GRAMD2B: variants seen among roughly 807,000 people sequenced by gnomAD.
GRAMD2B encodes GRAM domain-containing protein 2B.
In GRAMD2B, 41 loss-of-function variants were observed where a neutral mutation model predicts 59.2. The ratio of observed to expected loss-of-function variants is 0.69; its 90% CI spans 0.54 to 0.90. The LOEUF (loss-of-function observed/expected upper bound fraction) is 0.90. Ranked by LOEUF, GRAMD2B falls within the 40% of genes least tolerant of loss-of-function variation. The pLI, the probability that GRAMD2B is intolerant of heterozygous loss-of-function variation, is 0.00. For missense variants in GRAMD2B, 424 were observed against 500.5 expected (o/e 0.85, Z 1.46); for synonymous variants, 161 against 182.7 (o/e 0.88, Z 0.96).
At chr5:126,377,666 G>A (rs1010218595) in intron 1 of GRAMD2B, among the ~76,000 whole-genome samples, 2 of 152,174 alleles carry the variant, frequency 1.3e-5, no homozygotes, top group African/African-American at 4.8e-5. Context: ...CTGTGTGCAC[G>A]TAAGTTATCA....
chr5:126,394,858 T>G (rs1200336248), intron 1 of GRAMD2B, among the ~76,000 whole-genome samples: 2 of 152,138 alleles, frequency 1.3e-5, no homozygotes, highest in South Asian at 2.1e-4. Context: ...CATAAATATG[T>G]TTTTTTTCTG....
At chr5:126,373,467 A>G (rs1219450221) in intron 1 of GRAMD2B, among the ~76,000 whole-genome samples, 1 of 152,226 alleles carries the variant, frequency 6.6e-6, no homozygotes, top group Non-Finnish European at 1.5e-5. Context: ...TACAATTTAC[A>G]CAGTGTTTGT....
intron 9 of GRAMD2B, among the ~76,000 whole-genome samples, 191 bp from the exon 10 acceptor site, chr5:126,484,211 T>TC (rs1382810513): frequency 4.6e-5 from 7 of 152,214 alleles, no homozygotes; most frequent in African/African-American, 7.2e-5. Flanking sequence ...TGAAAGACTA[T>TC]CCTTATATCA....
chr5:126,476,970 G>A (rs529373584), intron 5 of GRAMD2B, among the ~76,000 whole-genome samples: 1 of 152,292 alleles, frequency 6.6e-6, no homozygotes, highest in South Asian at 2.1e-4. Context: ...AGCTTACAAG[G>A]GGGAGTAGGT....
chr5:126,453,388 A>G (rs1021016977), intron 1 of GRAMD2B, among the ~76,000 whole-genome samples: 6 of 152,084 alleles, frequency 3.9e-5, no homozygotes, highest in Non-Finnish European at 8.8e-5. Flanking sequence ...CAGAAATTCA[A>G]AAAAATGCTT....
rs534739151 is a variant in GRAMD2B at position 126,457,420 on chromosome 5, G to A, written c.84-8006G>A. Reference sequence around the variant, plus strand: ...AGGCCCAGGCAGGTAGATCACCTGAGCTCAGGAGTTCAAGACCAGCCTGGC... The same window carrying A: ...AGGCCCAGGCAGGTAGATCACCTGAACTCAGGAGTTCAAGACCAGCCTGGC... On this transcript the variant is annotated intron_variant, in intron 1 of 13. Coordinates refer to ENST00000285689, the MANE Select transcript of GRAMD2B (RefSeq NM_023927.4). 1.8e-4 allele frequency among the ~76,000 whole-genome samples: 27 copies of A among 152,080 alleles called. No homozygotes were observed. In the South Asian group the frequency reaches 5.6e-3, roughly 32 times the overall value.
At chr5:126,431,988 C>T (rs1207258072) in intron 1 of GRAMD2B, among the ~76,000 whole-genome samples, 12 of 152,144 alleles carry the variant, frequency 7.9e-5, no homozygotes, top group Admixed American at 6.6e-4. Context: ...AGTGCAGTGG[C>T]GTGATCACAG....
chr5:126,433,187 C>T (rs970111390), intron 1 of GRAMD2B, among the ~76,000 whole-genome samples: 1 of 152,196 alleles, frequency 6.6e-6, no homozygotes, highest in African/African-American at 2.4e-5. Flanking sequence ...CATTGCTATT[C>T]ATTAGACACT....
At chr5:126,425,707 A>G (rs1427872567) in intron 1 of GRAMD2B, among the ~76,000 whole-genome samples, 3 of 152,340 alleles carry the variant, frequency 2.0e-5, no homozygotes, top group South Asian at 2.1e-4. Context: ...TTGAGGCTAC[A>G]GTGAGCCATG....
intron 1 of GRAMD2B, among the ~76,000 whole-genome samples, chr5:126,448,873 T>C (rs954689539): frequency 6.6e-6 from 1 of 152,248 alleles, no homozygotes; most frequent in African/African-American, 2.4e-5. Flanking sequence ...ATAACACCTG[T>C]CTTACATGCC....
rs1488834775 is a variant in GRAMD2B at position 126,477,744 on chromosome 5, T to G, written c.539T>G (p.Leu180Arg). 56 of 1,612,896 alleles carry G rather than the reference T, an allele frequency of 3.5e-5. No individual in the cohort carries two copies. The highest frequency in any genetic ancestry group is 4.2e-5 in the Non-Finnish European group (49 of 1,178,982). ...CTAATAAAGAAAACCAAAACTGCTC[T>G]TCTAGTGCCAAACGCCCTGATCATA... ...VTLIKKTKTA[L>R]LVPNALIIAT... is the part of the protein sequence containing the mutation. The change falls in exon 6 of 14, where the codon CTT (leucine) becomes CGT (arginine). Residue 180 changes from leucine to arginine, a missense_variant. Physicochemically the swap from Leu to Arg is moderately radical, Grantham distance 102. Coordinates refer to ENST00000285689, the MANE Select transcript of GRAMD2B (RefSeq NM_023927.4).
intron 8 of GRAMD2B, chr5:126,481,001 A>G (rs1771632469): frequency 9.4e-6 from 4 of 427,600 alleles, no homozygotes; most frequent in South Asian, 8.8e-5. Context: ...TTGCTTGTCA[A>G]TATTGGCTTA....
intron 5 of GRAMD2B, among the ~76,000 whole-genome samples, chr5:126,475,181 C>T (rs561357635): frequency 9.9e-5 from 15 of 152,262 alleles, no homozygotes; most frequent in South Asian, 4.2e-4. Context: ...GTCAGCCTGT[C>T]GGTATTTTCA....
intron 2 of GRAMD2B, chr5:126,467,443 T>C (rs1173439505): frequency 6.6e-6 from 1 of 152,144 alleles, no homozygotes; most frequent in African/African-American, 2.4e-5. Context: ...ATACATACCC[T>C]GTCCACAGGG....
At chr5:126,417,414 A>AATGCTCAGCTAGCCTTC (rs1455523487) in intron 1 of GRAMD2B, among the ~76,000 whole-genome samples, 3 of 152,228 alleles carry the variant, frequency 2.0e-5, no homozygotes, top group African/African-American at 7.2e-5. Flanking sequence ...CAGACACTGA[A>AATGCTCAGCTAGCCTTC]ATGCTCAGCT....
At chr5:126,446,180 T>C (rs1445324823) in intron 1 of GRAMD2B, among the ~76,000 whole-genome samples, 2 of 152,186 alleles carry the variant, frequency 1.3e-5, no homozygotes, top group Non-Finnish European at 2.9e-5. Context: ...GATATTGGTA[T>C]TGTGTTTATT....
rs915714203 is a variant in GRAMD2B at position 126,447,471 on chromosome 5, G to T, written c.84-17955G>T. Among the ~76,000 whole-genome samples, 19 of 152,176 alleles carry T rather than the reference G, an allele frequency of 1.2e-4. 1 individual carries two copies. The highest frequency in any genetic ancestry group is 4.1e-4 in the African/African-American group (17 of 41,538). On this transcript the variant is annotated intron_variant, in intron 1 of 13. Coordinates refer to ENST00000285689, the MANE Select transcript of GRAMD2B (RefSeq NM_023927.4). ...AGGTCAGAAGATTGAGACCATCCTC[G>T]ATAACACGGTGAAACCCCGTCTCTA... is the stretch of plus-strand genomic sequence containing the variant.
intron 12 of GRAMD2B, among the ~76,000 whole-genome samples, chr5:126,487,195 A>T (rs1773107670): frequency 6.6e-6 from 1 of 152,128 alleles, no homozygotes; most frequent in Non-Finnish European, 1.5e-5. Context: ...TGCTAGTAAT[A>T]AGGCAAGAAA....
At chr5:126,454,914 CTACCTGCTATCAATA>C (rs1375085798) in intron 1 of GRAMD2B, among the ~76,000 whole-genome samples, 1 of 152,136 alleles carries the variant, frequency 6.6e-6, no homozygotes, top group African/African-American at 2.4e-5. Flanking sequence ...ATACAGTTTT[CTACCTGCTATCAATA>C]TACATCTATT....
Sources: allele counts gnomAD v4.1 joint callset (sites outside exome capture counted in the v4.1 genomes callset), GRCh38; gene constraint gnomAD v4.1.1; transcripts MANE v1.5; gene names NCBI Gene and HGNC (gene_info 2026-07-23, HGNC 2026-07-21).